The following CADM2 variants were observed in gnomAD, a reference collection of about 807,000 sequenced individuals.
The protein encoded by CADM2 is cell adhesion molecule 2.
CADM2 carries 12 observed loss-of-function variants against 49.8 expected under a neutral mutation model. The observed-to-expected ratio is 0.24, with a 90% CI of 0.15 to 0.39. The LOEUF is 0.39. Among genes scored for constraint, CADM2 ranks in the 10% least tolerant of loss-of-function variants. The probability of loss-of-function intolerance (pLI) is 1.00; values close to 1 mark genes in which losing one functional copy is unlikely to be tolerated. For synonymous variants in CADM2, 214 were observed against 175.4 expected (o/e 1.22, Z -1.74); for missense variants, 378 against 492.3 (o/e 0.77, Z 2.20).
chr3:85,769,231 CAT>C (rs2069860468), intron 2 of CADM2, among the ~76,000 whole-genome samples: 2 of 111,718 alleles, frequency 1.8e-5, no homozygotes, highest in Non-Finnish European at 3.2e-5. Flanking sequence ...TATATACACA[CAT>C]ATACACATAT....
At chr3:85,829,907 A>T (rs1269800812) in intron 3 of CADM2, among the ~76,000 whole-genome samples, 2 of 151,824 alleles carry the variant, frequency 1.3e-5, no homozygotes, top group East Asian at 3.9e-4. Context: ...TTCTTTATCC[A>T]TTTATCCATT....
chr3:85,635,653 T>A (rs2064448959), intron 1 of CADM2, among the ~76,000 whole-genome samples: 1 of 152,156 alleles, frequency 6.6e-6, no homozygotes, highest in African/African-American at 2.4e-5. Flanking sequence ...ATTTGTTATA[T>A]CATGGGTAAT....
intron 1 of CADM2, among the ~76,000 whole-genome samples, chr3:85,336,620 G>T (rs1241542475): frequency 2.0e-5 from 3 of 150,828 alleles, no homozygotes; most frequent in Admixed American, 6.6e-5. Context: ...ACTAGAAATT[G>T]TTATATTAAG....
chr3:85,110,101 A>G (rs2038394857), intron 1 of CADM2, among the ~76,000 whole-genome samples: 1 of 151,956 alleles, frequency 6.6e-6, no homozygotes, highest in South Asian at 2.1e-4. Context: ...CAGCAATTTC[A>G]TCCGAAGCAG....
chr3:85,404,426 A>G (rs2035272884), intron 1 of CADM2, among the ~76,000 whole-genome samples: 1 of 151,938 alleles, frequency 6.6e-6, no homozygotes, highest in South Asian at 2.1e-4. Flanking sequence ...ATGAACTGAG[A>G]CTCCAGAAAA....
Position 85,375,306 on chromosome 3 carries a change from C to T in CADM2, c.62-351216C>T, listed in dbSNP as rs915050982. 3.9e-5 allele frequency among the ~76,000 whole-genome samples: 6 copies of T among 152,262 alleles called. No individual in the cohort carries two copies. In the East Asian group the frequency reaches 9.7e-4, roughly 25 times the overall value. On this transcript the variant is annotated intron_variant, in intron 1 of 9. Transcript: ENST00000383699. ...AATCTATTTGATTCCAATTAAATTT[C>T]TTTCCACTGCACAATTTCACTTTTT...
At chr3:85,167,888 A>G (rs533715763) in intron 1 of CADM2, among the ~76,000 whole-genome samples, 27 of 152,176 alleles carry the variant, frequency 1.8e-4, no homozygotes, top group African/African-American at 5.8e-4. Context: ...CTTTCTTCAT[A>G]TGTTGGGTGT....
intron 5 of CADM2, among the ~76,000 whole-genome samples, chr3:85,891,947 T>G (rs1714489559): frequency 1.3e-5 from 2 of 152,362 alleles, no homozygotes; most frequent in Admixed American, 1.3e-4. Context: ...AAATATGTGT[T>G]GTTTTAAGCC....
At chr3:85,683,571 T>G (rs1191748582) in intron 1 of CADM2, among the ~76,000 whole-genome samples, 4 of 152,224 alleles carry the variant, frequency 2.6e-5, no homozygotes, top group Non-Finnish European at 5.9e-5. Flanking sequence ...GGTTACAGTT[T>G]ATTTTCCAAA....
At chr3:86,039,447 G>A (rs1247392223) in intron 8 of CADM2, among the ~76,000 whole-genome samples, 2 of 152,190 alleles carry the variant, frequency 1.3e-5, no homozygotes, top group Non-Finnish European at 1.5e-5. Context: ...TCCCACGCCT[G>A]GCTCAGAGGG....
intron 1 of CADM2, among the ~76,000 whole-genome samples, chr3:85,586,565 T>C (rs543633484): frequency 3.9e-5 from 6 of 152,146 alleles, no homozygotes; most frequent in Non-Finnish European, 8.8e-5. Flanking sequence ...ATTTCCATTT[T>C]GCAGTAGAAT....
chr3:84,973,843 C>T (rs1346580608), intron 1 of CADM2, among the ~76,000 whole-genome samples: 1 of 152,114 alleles, frequency 6.6e-6, no homozygotes, highest in African/African-American at 2.4e-5. Flanking sequence ...TGGTTAAAAC[C>T]TATACTAACA....
intron 1 of CADM2, among the ~76,000 whole-genome samples, chr3:85,353,818 G>T (rs12491020): frequency 0.52 from 78,758 of 151,646 alleles, 21,833 homozygotes; most frequent in East Asian, 0.81. Flanking sequence ...ATTTGTCCTT[G>T]CTTTATAATG....
intron 1 of CADM2, among the ~76,000 whole-genome samples, chr3:85,660,474 TTCTAGTACAAAA>T (rs2065367746): frequency 6.6e-6 from 1 of 151,976 alleles, no homozygotes; most frequent in Admixed American, 6.6e-5. Context: ...TGAACAAATT[TTCTAGTACAAAA>T]GAAATGCTTT....
chr3:85,841,641 G>T (rs1463501803), intron 3 of CADM2, among the ~76,000 whole-genome samples: 16 of 151,904 alleles, frequency 1.1e-4, no homozygotes, highest in Non-Finnish European at 2.9e-5. Context: ...CTGTTGGGGT[G>T]GACGAGTAGT....
intron 1 of CADM2, among the ~76,000 whole-genome samples, chr3:85,671,258 G>C (rs1218567851): frequency 6.6e-6 from 1 of 152,108 alleles, no homozygotes; most frequent in South Asian, 2.1e-4. Flanking sequence ...CAATCACAGA[G>C]ACCAACTAAA....
chr3:85,132,058 T>C (rs2039246452), intron 1 of CADM2, among the ~76,000 whole-genome samples: 1 of 152,194 alleles, frequency 6.6e-6, no homozygotes, highest in Admixed American at 6.5e-5. Context: ...AGAGATATTA[T>C]TTGTGGTGAG....
Position 85,359,666 on chromosome 3 carries a change from A to ATATATATATATATATTTT in CADM2, c.62-366855_62-366854insATATATATATATATTTTT. Reference sequence around the variant, plus strand: ...TATATATATATATATATATATATATATTTTTTTTTTTGGTGGAGGGGAGAA... The same window carrying ATATATATATATATATTTT: ...TATATATATATATATATATATATATATATATATATATATATTTTTTTTTTTTTTTGGTGGAGGGGAGAA... On this transcript the variant is annotated intron_variant, in intron 1 of 9. Transcript: ENST00000383699. 1.1e-3 allele frequency among the ~76,000 whole-genome samples: 28 copies of ATATATATATATATATTTT among 26,538 alleles called. 1 individual carries two copies. The highest frequency in any genetic ancestry group is 2.0e-3 in the African/African-American group (19 of 9,380). 17.4% of individuals were successfully genotyped at this position (26,538 alleles called of 152,430 possible).
intron 3 of CADM2, among the ~76,000 whole-genome samples, chr3:85,875,928 G>T (rs142333456): frequency 2.6e-5 from 4 of 152,092 alleles, no homozygotes; most frequent in Non-Finnish European, 5.9e-5. Context: ...TCTTCCCATA[G>T]GTAGAACTTG....
Sources: allele counts gnomAD v4.1 joint callset (sites outside exome capture counted in the v4.1 genomes callset), GRCh38; gene constraint gnomAD v4.1.1; transcripts MANE v1.5; gene names NCBI Gene and HGNC (gene_info 2026-07-23, HGNC 2026-07-21).